The following PCDH7 variants were observed in gnomAD, a reference collection of about 807,000 sequenced individuals.
PCDH7 encodes the protein protocadherin 7.
Under a neutral mutation model 58.9 loss-of-function variants are expected in PCDH7, and 17 were observed. The ratio of observed to expected loss-of-function variants is 0.29; its 90% CI spans 0.20 to 0.43. PCDH7 has a LOEUF of 0.43. Ranked by LOEUF, PCDH7 falls within the 20% of genes least tolerant of loss-of-function variation. The pLI is 1.00. For synonymous variants in PCDH7, 664 were observed against 616.4 expected (o/e 1.08, Z -1.14); for missense variants, 1,274 against 1,441.0 (o/e 0.88, Z 1.88).
At chr4:31,038,260 C>G (rs1181397655) in intron 3 of PCDH7, among the ~76,000 whole-genome samples, 1 of 152,160 alleles carries the variant, frequency 6.6e-6, no homozygotes, top group Non-Finnish European at 1.5e-5. Context: ...GAAGGTTGCA[C>G]ATGCTTTGTT....
chr4:30,918,035 G>C lies in PCDH7; in HGVS notation c.71-2118G>C, dbSNP rs535229206. Among the ~76,000 whole-genome samples the C allele has an allele frequency of 3.9e-5, 6 of 152,102 alleles. No individual in the cohort carries two copies. In the South Asian group the frequency reaches 1.0e-3, roughly 26 times the overall value. ...GAGTTTTCTTTTTGTGTTAATGAAGGTATTCTAAAAGATTTGAAAGTCATT... is the reference window on the plus strand; with the variant it reads ...GAGTTTTCTTTTTGTGTTAATGAAGCTATTCTAAAAGATTTGAAAGTCATT... On this transcript the variant is annotated intron_variant, in intron 1 of 3. Transcript: ENST00000509759.
chr4:30,756,891 C>T (rs1396438508), intron 1 of PCDH7, among the ~76,000 whole-genome samples: 1 of 152,160 alleles, frequency 6.6e-6, no homozygotes, highest in African/African-American at 2.4e-5. Flanking sequence ...ATCTCCTTTT[C>T]CAACTGTTTT....
At chr4:30,880,985 T>C (rs1736891682) in intron 1 of PCDH7, among the ~76,000 whole-genome samples, 1 of 152,112 alleles carries the variant, frequency 6.6e-6, no homozygotes, top group Admixed American at 6.6e-5. Context: ...TCCAGTGGAC[T>C]CCCCAAAGTC....
At chr4:31,013,041 G>A (rs1409850119) in intron 3 of PCDH7, among the ~76,000 whole-genome samples, 1 of 149,828 alleles carries the variant, frequency 6.7e-6, no homozygotes, top group Non-Finnish European at 1.5e-5. Context: ...AAATAAATTA[G>A]CCAGGCATAG....
At position 30,721,225 on chromosome 4, in the gene PCDH7, G is replaced by A; in HGVS notation, c.-198G>A. The A allele has an allele frequency of 1.8e-6, 1 of 541,174 alleles. No individual in the cohort carries two copies. Among genetic ancestry groups the A allele is most frequent in the East Asian group, 3.1e-5 (1 of 31,920 alleles). 33.5% of individuals were successfully genotyped at this position (541,174 alleles called of 1,614,324 possible). On this transcript the variant is annotated 5_prime_UTR_variant, in exon 1 of 2. Coordinates refer to ENST00000361762, the Ensembl canonical transcript of PCDH7. This position sits in a 1 kb window ranked among gnomAD's most constrained non-coding sequence, Gnocchi z 6.7. ...GGAAGAAGCAGGAGGAAAAAAAGAA[G>A]CATCTATCGCTGCCCTCCCACCCCC...
chr4:30,994,592 C>A (rs1285795396), intron 3 of PCDH7, among the ~76,000 whole-genome samples: 1 of 152,126 alleles, frequency 6.6e-6, no homozygotes, highest in Non-Finnish European at 1.5e-5. Context: ...TATGTAAATA[C>A]TTCAAACTTC....
At chr4:31,122,287 G>C (rs180792765) in intron 3 of PCDH7, among the ~76,000 whole-genome samples, 48 of 152,232 alleles carry the variant, frequency 3.2e-4, no homozygotes, top group African/African-American at 1.0e-3. Flanking sequence ...ACTTTGACTG[G>C]ACATTTTTAA....
intron 3 of PCDH7, among the ~76,000 whole-genome samples, chr4:31,141,299 T>A (rs1720222003): frequency 6.6e-6 from 1 of 152,240 alleles, no homozygotes; most frequent in Non-Finnish European, 1.5e-5. Flanking sequence ...GAGGTCAAAT[T>A]CGTCAGTCTT....
At chr4:30,796,415 A>G (rs1019677405) in intron 1 of PCDH7, among the ~76,000 whole-genome samples, 24 of 152,194 alleles carry the variant, frequency 1.6e-4, no homozygotes, top group African/African-American at 5.5e-4. Context: ...TATCGTGGAA[A>G]TAGGTGTTCT....
chr4:31,037,879 A>T lies in PCDH7; in HGVS notation c.*7+87664A>T, dbSNP rs556178861. Among the ~76,000 whole-genome samples, 41 of 152,368 alleles carry T rather than the reference A, an allele frequency of 2.7e-4. 1 individual carries two copies. The South Asian group carries it at 8.1e-3, about 30-fold the overall frequency. On this transcript the variant is annotated intron_variant, in intron 3 of 3. Coordinates refer to the PCDH7 transcript ENST00000509759. ...TGGTGAAAGAAGGAGGCAGCAGTTC[A>T]AGTAGACAGGTCTATGTGACAAGTG...
chr4:31,010,700 C>A lies in PCDH7; in HGVS notation c.*7+60485C>A, dbSNP rs1295744120. On this transcript the variant is annotated intron_variant, in intron 3 of 3. Coordinates refer to the PCDH7 transcript ENST00000509759. ...ATCTAATAACTTGCCTAATTTTCAA[C>A]TCTTGTCACATGCTTTAAATAGGTG... Among the ~76,000 whole-genome samples the A allele has an allele frequency of 2.0e-5, 3 of 151,926 alleles. No homozygotes were observed. The East Asian group carries it at 5.8e-4, about 29-fold the overall frequency.
At chr4:31,070,386 C>T (rs1758447248) in intron 3 of PCDH7, among the ~76,000 whole-genome samples, 1 of 152,040 alleles carries the variant, frequency 6.6e-6, no homozygotes, top group Admixed American at 6.6e-5. Flanking sequence ...TTTAGCATCA[C>T]TGATCCAGCA....
chr4:30,843,299 T>A (rs527677741), intron 1 of PCDH7, among the ~76,000 whole-genome samples: 44 of 152,228 alleles, frequency 2.9e-4, no homozygotes, highest in African/African-American at 9.6e-4. Context: ...CCTCCCGGAC[T>A]CAAGTGATTC....
intron 2 of PCDH7, among the ~76,000 whole-genome samples, chr4:30,937,233 A>T (rs952317248): frequency 1.3e-5 from 2 of 152,088 alleles, no homozygotes; most frequent in African/African-American, 4.8e-5. Flanking sequence ...AAATAAGCAA[A>T]AAAACTTTAG....
intron 1 of PCDH7, among the ~76,000 whole-genome samples, chr4:30,868,085 C>T (rs932340114): frequency 1.3e-5 from 2 of 151,988 alleles, no homozygotes; most frequent in African/African-American, 4.8e-5. Context: ...TTTCAGTAGT[C>T]CTGTCAGAAA....
intron 3 of PCDH7, among the ~76,000 whole-genome samples, chr4:31,062,474 C>T (rs1275966016): frequency 2.0e-5 from 3 of 151,626 alleles, no homozygotes; most frequent in Non-Finnish European, 3.0e-5. Flanking sequence ...ATCATTTAGA[C>T]ATCAAAAACA....
intron 1 of PCDH7, among the ~76,000 whole-genome samples, chr4:30,847,575 C>A (rs1360369567): frequency 2.0e-5 from 3 of 152,064 alleles, no homozygotes; most frequent in East Asian, 3.9e-4. Flanking sequence ...CTTCAGCCAA[C>A]CAAGTGAACA....
At chr4:30,748,347 C>T (rs1718038490) in intron 1 of PCDH7, among the ~76,000 whole-genome samples, 1 of 152,116 alleles carries the variant, frequency 6.6e-6, no homozygotes, top group Non-Finnish European at 1.5e-5. Context: ...CAGAATGCCA[C>T]AGACTGGGCA....
At chr4:30,927,746 G>C (rs1744062909) in intron 2 of PCDH7, among the ~76,000 whole-genome samples, 1 of 151,760 alleles carries the variant, frequency 6.6e-6, no homozygotes, top group Non-Finnish European at 1.5e-5. Flanking sequence ...CTCTGCCTAG[G>C]AAAACCAGAG....
Sources: gnomAD v4.1 joint callset for allele counts (sites outside exome capture counted in the v4.1 genomes callset) on GRCh38, gnomAD v4.1.1 for gene constraint, Gnocchi (gnomAD v3.1) non-coding constraint, MANE v1.5 for transcripts, NCBI Gene and HGNC (gene_info 2026-07-23, HGNC 2026-07-21) for gene names.